The following CD300LG variants were observed in gnomAD, a reference collection of about 807,000 sequenced individuals.
The protein encoded by CD300LG is CD300 molecule like family member g.
In CD300LG, 29 loss-of-function variants were observed where a neutral mutation model predicts 31.5. The ratio of observed to expected loss-of-function variants is 0.92; its 90% CI spans 0.68 to 1.25. CD300LG has a LOEUF of 1.25. Ranked by LOEUF, CD300LG falls within the 50% of genes most tolerant of loss-of-function variation. The pLI is 0.00. For missense variants in CD300LG, 396 were observed against 417.6 expected, an observed-to-expected ratio of 0.95 and a Z score of 0.45; for synonymous variants, 175 against 177.2, an observed-to-expected ratio of 0.99 and a Z score of 0.10.
At position 43,861,976 on chromosome 17, in the gene CD300LG, C is replaced by A; in HGVS notation, c.*65C>A. On this transcript the variant is annotated 3_prime_UTR_variant, in exon 7 of 7. Coordinates refer to ENST00000317310, the MANE Select transcript of CD300LG (RefSeq NM_145273.4). ...ATGGCTGGCTGGATCAGCACCGATT[C>A]CCGAAAGCTTTCCACCTCAGCCTCA... is the stretch of plus-strand genomic sequence containing the variant. 2 of 1,194,034 alleles carry A rather than the reference C, an allele frequency of 1.7e-6. No homozygotes were observed. Among genetic ancestry groups the A allele is most frequent in the Admixed American group, 2.7e-5 (1 of 36,524 alleles). 74.0% of individuals were successfully genotyped at this position (1,194,034 alleles called of 1,614,324 possible).
chr17:43,860,530 G>C (rs773896986), intron 6 of CD300LG, among the ~76,000 whole-genome samples: 1 of 152,186 alleles, frequency 6.6e-6, no homozygotes, highest in African/African-American at 2.4e-5. Flanking sequence ...TGAGATGGAC[G>C]GGCCTGGCGT....
At position 43,853,880 on chromosome 17, in the gene CD300LG, A is replaced by T. The variant is rs1182962083; in HGVS notation, c.555A>T (p.Pro185=). 6.2e-7 allele frequency: 1 copy of T among 1,614,154 alleles called. No homozygotes were observed. The highest frequency in any genetic ancestry group is 2.2e-5 in the East Asian group (1 of 44,874). The change falls in exon 4 of 7, where the codon CCA becomes CCT. Residue 185 remains proline, a synonymous_variant. Transcript: ENST00000317310. ...GKTGAEAPPL[P]GTSQYGHERT... is the part of the protein sequence containing the mutation. ...CAGGGGCTGAGGCCCCTCCATTGCC[A>T]GGGACTTCCCAGTACGGGCACGAAA... is the stretch of plus-strand genomic sequence containing the variant.
intron 6 of CD300LG, chr17:43,858,115 C>T (rs968966515): frequency 7.4e-7 from 1 of 1,351,996 alleles, no homozygotes; most frequent in African/African-American, 1.5e-5. Context: ...GCGGAGCTAC[C>T]ATTGCCTTCT....
At position 43,861,871 on chromosome 17, in the gene CD300LG, C is replaced by G. The variant is rs2046661829; in HGVS notation, c.959C>G (p.Ser320Cys). The G allele has an allele frequency of 8.1e-6, 13 of 1,612,570 alleles. No homozygotes were observed. Among genetic ancestry groups the G allele is most frequent in the South Asian group, 3.3e-5 (3 of 90,762 alleles). The change falls in exon 7 of 7, where the codon TCT becomes TGT. Residue 320 changes from serine to cysteine, a missense_variant. Ser to Cys is a moderately radical substitution (Grantham distance 112). Coordinates refer to ENST00000317310, the MANE Select transcript of CD300LG (RefSeq NM_145273.4). ...DVISMPPLHT[S>C]EEELGFSKFV... is the part of the protein sequence containing the mutation. ...ATCTCGATGCCTCCCCTCCACACAT[C>G]TGAGGAGGAGCTGGGCTTCTCGAAG...
chr17:43,848,758 C>T lies in CD300LG; in HGVS notation c.244C>T (p.Arg82Cys), dbSNP rs72836561. The part of the protein sequence containing the change: ...QETMKGRVSI[R>C]DSRQELSLIV... Reference sequence around the variant, plus strand: ...GACAATGAAGGGCAGGGTGTCCATCCGTGACAGCCGCCAGGAGCTCTCGCT... The same window carrying T: ...GACAATGAAGGGCAGGGTGTCCATCTGTGACAGCCGCCAGGAGCTCTCGCT... The change falls in exon 2 of 7, where the codon CGT becomes TGT. Residue 82 changes from arginine (R) to cysteine (C), a missense_variant. Physicochemically the swap from Arg to Cys is radical, Grantham distance 180. Transcript: ENST00000317310. 43,513 of 1,614,084 alleles carry T rather than the reference C, an allele frequency of 0.027. 700 individuals carry two copies. The highest frequency in any genetic ancestry group is 0.031 in the Non-Finnish European group (36,624 of 1,180,014).
At chr17:43,857,672 C>A in intron 6 of CD300LG, 1 of 1,254,528 alleles carries the variant, frequency 8.0e-7, no homozygotes, top group South Asian at 1.3e-5. Context: ...TGTGCTTTTA[C>A]AAAAGATGAG....
intron 2 of CD300LG, chr17:43,849,113 C>T: frequency 1.7e-6 from 1 of 600,036 alleles, no homozygotes; most frequent in Admixed American, 3.0e-5. Flanking sequence ...TAGTAGATGT[C>T]AGAGCAGGAC....
intron 6 of CD300LG, 199 bp downstream of exon 6, chr17:43,857,355 G>A: frequency 1.3e-6 from 2 of 1,521,054 alleles, no homozygotes; most frequent in Non-Finnish European, 8.8e-7. Context: ...AGTGCCCATG[G>A]GGGACTCACA....
intron 6 of CD300LG, among the ~76,000 whole-genome samples, chr17:43,858,942 C>T (rs2046597898): frequency 6.6e-6 from 1 of 152,200 alleles, no homozygotes; most frequent in South Asian, 2.1e-4. Flanking sequence ...TACTACGTGT[C>T]AGGGGCTTTA....
In CD300LG at chr17:43,857,152, G is replaced by C. The variant is rs550963327; in HGVS notation, c.881G>C (p.Arg294Pro). ...TQRNEKFCLS[R>P]LTAEEKEAPS... ...AGGAACGAGAAGTTCTGCCTCTCAC[G>C]CTTGGTAAGGACAGAGGCATATGGA... The change falls in exon 6 of 7, where the codon CGC becomes CCC. Residue 294 changes from arginine to proline, a missense_variant. Transcript: ENST00000317310. The C allele has an allele frequency of 1.2e-6, 2 of 1,614,060 alleles. No homozygotes were observed. Among genetic ancestry groups the C allele is most frequent in the South Asian group, 2.2e-5 (2 of 91,068 alleles).
At chr17:43,857,375 C>T in intron 6 of CD300LG, 1 of 1,532,692 alleles carries the variant, frequency 6.5e-7, no homozygotes. Context: ...AGGTGGGAAC[C>T]TGATTTCCCG....
At chr17:43,851,133 CAAAAAA>C (rs777282117) in intron 2 of CD300LG, among the ~76,000 whole-genome samples, 5 of 40,612 alleles carry the variant, frequency 1.2e-4, no homozygotes, top group African/African-American at 4.6e-4. Context: ...GACTCAGTCT[CAAAAAA>C]AAAAAAAAAA....
At chr17:43,856,944 T>A (rs1266760631) in intron 5 of CD300LG, among the ~76,000 whole-genome samples, 160 bp from the exon 6 acceptor site, 3 of 152,230 alleles carry the variant, frequency 2.0e-5, no homozygotes, top group Non-Finnish European at 4.4e-5. Flanking sequence ...CCCAAGGGGC[T>A]AAGCTGGAAG....
At chr17:43,857,458 T>G (rs2046557019) in intron 6 of CD300LG, 1 of 1,536,892 alleles carries the variant, frequency 6.5e-7, no homozygotes, top group Non-Finnish European at 8.7e-7. Context: ...CCATCCCCCC[T>G]TTTAGAATCA....
In CD300LG at chr17:43,862,661, A is replaced by T. The variant is rs1811532422; in HGVS notation, c.*750A>T. On this transcript the variant is annotated 3_prime_UTR_variant, in exon 7 of 7. Coordinates refer to ENST00000317310, the MANE Select transcript of CD300LG (RefSeq NM_145273.4). ...GATCTGCTCTGTCTGCGACACCAAG[A>T]TCCAGCTGGGGACTCCCCTGAGGCC... 1 of 152,216 alleles carries T rather than the reference A, an allele frequency of 6.6e-6. No homozygotes were observed. Among genetic ancestry groups the T allele is most frequent in the South Asian group, 2.1e-4 (1 of 4,814 alleles). 9.4% of individuals were successfully genotyped at this position (152,216 alleles called of 1,614,324 possible). A position where few individuals can be genotyped will look rare whatever the true frequency, so the allele number is the denominator to read the frequency against.
intron 3 of CD300LG, 54 bp from the exon 4 acceptor site, chr17:43,853,753 T>G (rs1362184403): frequency 6.9e-7 from 1 of 1,442,164 alleles, no homozygotes; most frequent in Non-Finnish European, 9.6e-7. Context: ...AAGTCAGGGA[T>G]GCTGGGATGC....
In CD300LG at chr17:43,853,033, G is replaced by A. The variant is rs752978244; in HGVS notation, c.481+20G>A. The A allele has an allele frequency of 1.1e-5, 17 of 1,592,790 alleles. No homozygotes were observed. The highest frequency in any genetic ancestry group is 1.7e-4 in the Middle Eastern group (1 of 6,044). On this transcript the variant is annotated intron_variant, in intron 3 of 6. Transcript: ENST00000317310. ...GATTGAGTGAGTGAATGGCAATTCC[G>A]CCCCTTCCCTTGCCACCCTTCTTAC...
At position 43,857,544 on chromosome 17, in the gene CD300LG, G is replaced by A. The variant is rs59003111; in HGVS notation, c.885+388G>A. The A allele has an allele frequency of 7.9e-3, 11,389 of 1,442,742 alleles. 628 individuals carry two copies. The African/African-American group carries it at 0.14, about 17-fold the overall frequency. The allele number at this position is 1,442,742 out of a possible 1,614,324, so 89.4% of individuals were successfully genotyped here. ...CTTTTCTCTCAGTTTGAAGCAAATCGCCTTTCAGAACGCCCAGGGGTCAGG... is the reference window on the plus strand; with the variant it reads ...CTTTTCTCTCAGTTTGAAGCAAATCACCTTTCAGAACGCCCAGGGGTCAGG... On this transcript the variant is annotated intron_variant, in intron 6 of 6. Coordinates refer to ENST00000317310, the MANE Select transcript of CD300LG (RefSeq NM_145273.4).
chr17:43,853,035 C>G, intron 3 of CD300LG, 22 bp downstream of exon 3: 1 of 1,591,194 alleles, frequency 6.3e-7, no homozygotes, highest in Non-Finnish European at 8.6e-7. Context: ...GCAATTCCGC[C>G]CCTTCCCTTG....
Sources: allele counts gnomAD v4.1 joint callset (sites outside exome capture counted in the v4.1 genomes callset), GRCh38; gene constraint gnomAD v4.1.1; transcripts MANE v1.5; gene names NCBI Gene and HGNC (gene_info 2026-07-23, HGNC 2026-07-21).